OR6C1: variants seen among roughly 807,000 people sequenced by gnomAD.
OR6C1 encodes olfactory receptor 6C1.
For synonymous variants in OR6C1, 157 were observed against 133.3 expected, an observed-to-expected ratio of 1.18 and a Z score of -1.22; for missense variants, 386 against 366.1, an observed-to-expected ratio of 1.05 and a Z score of -0.44.
Position 55,320,590 on chromosome 12 carries a change from C to G in OR6C1, c.-10C>G, listed in dbSNP as rs1308104013. On this transcript the variant is annotated 5_prime_UTR_variant, in exon 2 of 2. Coordinates refer to ENST00000642104, the MANE Select transcript of OR6C1 (RefSeq NM_001005182.2). ...AGGTCTGGCAGGGGAAAAAAGAAAG[C>G]AACTGAAGAATGAGAAACCATACAG... 3.1e-5 allele frequency: 47 copies of G among 1,506,200 alleles called. No homozygotes were observed. Among genetic ancestry groups the G allele is most frequent in the Non-Finnish European group, 4.3e-5 (47 of 1,099,006 alleles). 93.3% of individuals were successfully genotyped at this position (1,506,200 alleles called of 1,614,324 possible). A position where few individuals can be genotyped will look rare whatever the true frequency, so the allele number is the denominator to read the frequency against.
intron 1 of OR6C1, among the ~76,000 whole-genome samples, chr12:55,314,948 G>A (rs1383903804): frequency 6.6e-6 from 1 of 151,334 alleles, no homozygotes; most frequent in Non-Finnish European, 1.5e-5. Context: ...TCAGAATAAG[G>A]ATAAAATCTT....
intron 1 of OR6C1, among the ~76,000 whole-genome samples, chr12:55,316,119 ACACACACACACC>A (rs746178352): frequency 9.8e-5 from 14 of 143,370 alleles, no homozygotes; most frequent in South Asian, 2.1e-4. Flanking sequence ...ACACACACAC[ACACACACACACC>A]CCCCGAGAGA....
chr12:55,317,441 G>A (rs191952718), intron 1 of OR6C1, among the ~76,000 whole-genome samples: 27 of 151,868 alleles, frequency 1.8e-4, no homozygotes, highest in South Asian at 2.1e-4. Flanking sequence ...TAGCCAATAC[G>A]GTGAACTTGA....
intron 1 of OR6C1, among the ~76,000 whole-genome samples, chr12:55,317,833 AC>A (rs775056329): frequency 6.6e-6 from 1 of 150,966 alleles, no homozygotes; most frequent in Non-Finnish European, 1.5e-5. Context: ...TGGGTATTAA[AC>A]CTAGTGTTGT....
intron 1 of OR6C1, among the ~76,000 whole-genome samples, chr12:55,316,597 C>T (rs75425401): frequency 0.012 from 1,856 of 151,884 alleles, 95 homozygotes; most frequent in Admixed American, 0.081. Context: ...TATATGAATA[C>T]GTCCTGAGAT....
At chr12:55,316,779 G>C (rs1868416440) in intron 1 of OR6C1, among the ~76,000 whole-genome samples, 1 of 151,870 alleles carries the variant, frequency 6.6e-6, no homozygotes, top group African/African-American at 2.4e-5. Context: ...ACCACACCCA[G>C]TTCTTGTTAT....
At position 55,320,881 on chromosome 12, in the gene OR6C1, T is replaced by C; in HGVS notation, c.282T>C (p.Asn94=). 6.2e-7 allele frequency: 1 copy of C among 1,614,024 alleles called. No homozygotes were observed. The highest frequency in any genetic ancestry group is 8.5e-7 in the Non-Finnish European group (1 of 1,179,882). ...GAGATAAAACCATTTCCTTTAATAATTGCATAGTTCAGTTATTTTTCTTCA... is the reference window on the plus strand; with the variant it reads ...GAGATAAAACCATTTCCTTTAATAACTGCATAGTTCAGTTATTTTTCTTCA... ...ISGDKTISFN[N]CIVQLFFFIL... is the part of the protein sequence containing the mutation. The change falls in exon 2 of 2, where the codon AAT becomes AAC. Residue 94 remains asparagine (N), a synonymous_variant. Coordinates refer to ENST00000642104, the MANE Select transcript of OR6C1 (RefSeq NM_001005182.2).
In OR6C1 at chr12:55,320,897, T is replaced by C; in HGVS notation, c.298T>C (p.Phe100Leu). ...CTTTAATAATTGCATAGTTCAGTTA[T>C]TTTTCTTCATTCTCTTGGGAGTCAC... ...ISFNNCIVQL[F>L]FFILLGVTEF... Residue 100 changes from phenylalanine to leucine, a missense_variant, in exon 2 of 2, where the codon TTT (phenylalanine) becomes CTT (leucine). Transcript: ENST00000642104. 1.9e-6 allele frequency: 3 copies of C among 1,614,106 alleles called. No individual in the cohort carries two copies. Among genetic ancestry groups the C allele is most frequent in the Non-Finnish European group, 2.5e-6 (3 of 1,179,988 alleles).
intron 1 of OR6C1, among the ~76,000 whole-genome samples, chr12:55,320,256 A>G (rs1868505275): frequency 6.6e-6 from 1 of 152,182 alleles, no homozygotes; most frequent in Non-Finnish European, 1.5e-5. Flanking sequence ...GGTGGTTCTG[A>G]TTAGGGAGGA....
chr12:55,314,499 G>A lies in OR6C1; in HGVS notation c.-134G>A, dbSNP rs1370547696. On this transcript the variant is annotated 5_prime_UTR_variant, in exon 1 of 2. It removes an upstream start codon present in the reference 5' UTR. Transcript: ENST00000642104. Reference sequence around the variant, plus strand: ...AAATTTCTTCAATGAGAAAGTGAATGTTTTCAGAAATCCTGGTTTTACTGG... The same window carrying A: ...AAATTTCTTCAATGAGAAAGTGAATATTTTCAGAAATCCTGGTTTTACTGG... 6.6e-6 allele frequency: 1 copy of A among 151,542 alleles called. No homozygotes were observed. The highest frequency in any genetic ancestry group is 1.5e-5 in the Non-Finnish European group (1 of 67,694). 9.4% of individuals were successfully genotyped at this position (151,542 alleles called of 1,614,324 possible). A position where few individuals can be genotyped will look rare whatever the true frequency, so the allele number is the denominator to read the frequency against.
At chr12:55,319,831 G>A (rs1320583383) in intron 1 of OR6C1, among the ~76,000 whole-genome samples, 1 of 152,098 alleles carries the variant, frequency 6.6e-6, no homozygotes, top group Non-Finnish European at 1.5e-5. Flanking sequence ...CAATGGCTAA[G>A]GACAAAGCAC....
At position 55,321,215 on chromosome 12, in the gene OR6C1, A is replaced by C; in HGVS notation, c.616A>C (p.Met206Leu). 6.2e-7 allele frequency: 1 copy of C among 1,613,948 alleles called. No homozygotes were observed. Among genetic ancestry groups the C allele is most frequent in the Non-Finnish European group, 8.5e-7 (1 of 1,179,878 alleles). Residue 206 changes from methionine (M) to leucine (L), a missense_variant, in exon 2 of 2, where the codon ATG becomes CTG. By Grantham distance (15) the Met-to-Leu change is conservative. Coordinates refer to ENST00000642104, the MANE Select transcript of OR6C1 (RefSeq NM_001005182.2). ...MGFSCAAFTL[M>L]FTLALIFLSY... ...ATTTTCTTGTGCTGCGTTTACTCTA[A>C]TGTTCACTTTGGCATTAATATTTCT...
rs1195793007 is a variant in OR6C1 at position 55,321,130 on chromosome 12, T to G, written c.531T>G (p.Cys177Trp). 6.2e-7 allele frequency: 1 copy of G among 1,613,982 alleles called. No homozygotes were observed. The highest frequency in any genetic ancestry group is 1.1e-5 in the South Asian group (1 of 91,066). Residue 177 changes from cysteine (C) to tryptophan (W), a missense_variant, in exon 2 of 2, where the codon TGT becomes TGG. Cys to Trp is a radical substitution (Grantham distance 215). Transcript: ENST00000642104. ...CRSNIIDHFT[C>W]DYFPLLQLAC... ...CTAATATTATTGACCATTTTACCTG[T>G]GATTATTTTCCACTGCTGCAACTTG...
chr12:55,318,582 AT>A (rs1452267998), intron 1 of OR6C1, among the ~76,000 whole-genome samples: 1 of 149,378 alleles, frequency 6.7e-6, no homozygotes, highest in Non-Finnish European at 1.5e-5. Flanking sequence ...AATGCTAAGC[AT>A]TTTTCTAAAT....
At position 55,321,503 on chromosome 12, in the gene OR6C1, A is replaced by G. The variant is rs753415976; in HGVS notation, c.904A>G (p.Met302Val). The change falls in exon 2 of 2, where the codon ATG becomes GTG. Residue 302 changes from methionine to valine, a missense_variant. Physicochemically the swap from Met to Val is conservative, Grantham distance 21. Coordinates refer to ENST00000642104, the MANE Select transcript of OR6C1 (RefSeq NM_001005182.2). ...GCAAGTCAAGCAAGCTTTCATTAAC[A>G]TGGCAAGGAAGACTGTATTTTTCAC... Reference protein sequence around the residue: ...NQQVKQAFINMARKTVFFTST With the variant: ...NQQVKQAFINVARKTVFFTST 1.9e-6 allele frequency: 3 copies of G among 1,613,234 alleles called. No homozygotes were observed. The highest frequency in any genetic ancestry group is 2.2e-5 in the East Asian group (1 of 44,856).
chr12:55,316,808 A>G (rs1868417005), intron 1 of OR6C1, among the ~76,000 whole-genome samples: 4 of 151,962 alleles, frequency 2.6e-5, no homozygotes, highest in South Asian at 2.1e-4. Context: ...ATGCTACTAG[A>G]GTTCCTTTAA....
At position 55,321,067 on chromosome 12, in the gene OR6C1, A is replaced by G. The variant is rs1014570318; in HGVS notation, c.468A>G (p.Pro156=). 2.5e-6 allele frequency: 4 copies of G among 1,613,490 alleles called. No individual in the cohort carries two copies. The highest frequency in any genetic ancestry group is 3.4e-6 in the Non-Finnish European group (4 of 1,179,656). The change falls in exon 2 of 2, where the codon CCA becomes CCG. Residue 156 remains proline (P), a synonymous_variant. Coordinates refer to ENST00000642104, the MANE Select transcript of OR6C1 (RefSeq NM_001005182.2). Reference sequence around the variant, plus strand: ...TGGTTTCATTCTTAATCATATTCCCAGCACTCATGTTGCTTTTAAAGCTTC... The same window carrying G: ...TGGTTTCATTCTTAATCATATTCCCGGCACTCATGTTGCTTTTAAAGCTTC... ...SWLVSFLIIF[P]ALMLLLKLHY...
In OR6C1 at chr12:55,320,877, A is replaced by T; in HGVS notation, c.278A>T (p.Asn93Ile). The change falls in exon 2 of 2, where the codon AAT (asparagine) becomes ATT (isoleucine). Residue 93 changes from asparagine (N) to isoleucine (I), a missense_variant. By Grantham distance (149) the Asn-to-Ile change is moderately radical. Transcript: ENST00000642104. ...IISGDKTISFNNCIVQLFFFI... is the reference protein window; with the variant it reads ...IISGDKTISFINCIVQLFFFI... ...TCAGGAGATAAAACCATTTCCTTTAATAATTGCATAGTTCAGTTATTTTTC... is the reference window on the plus strand; with the variant it reads ...TCAGGAGATAAAACCATTTCCTTTATTAATTGCATAGTTCAGTTATTTTTC... 5.0e-6 allele frequency: 8 copies of T among 1,614,028 alleles called. No homozygotes were observed. The highest frequency in any genetic ancestry group is 6.8e-6 in the Non-Finnish European group (8 of 1,179,950).
chr12:55,320,893 G>A lies in OR6C1; in HGVS notation c.294G>A (p.Gln98=), dbSNP rs1161148215. 6.2e-7 allele frequency: 1 copy of A among 1,613,830 alleles called. No homozygotes were observed. The highest frequency in any genetic ancestry group is 1.3e-5 in the African/African-American group (1 of 74,910). ...TTTCCTTTAATAATTGCATAGTTCA[G>A]TTATTTTTCTTCATTCTCTTGGGAG... ...KTISFNNCIV[Q]LFFFILLGVT... The change falls in exon 2 of 2, where the codon CAG becomes CAA. Residue 98 remains glutamine, a synonymous_variant. Coordinates refer to ENST00000642104, the MANE Select transcript of OR6C1 (RefSeq NM_001005182.2).
Sources: allele counts gnomAD v4.1 joint callset (sites outside exome capture counted in the v4.1 genomes callset), GRCh38; gene constraint gnomAD v4.1.1; transcripts MANE v1.5; gene names NCBI Gene and HGNC (gene_info 2026-07-23, HGNC 2026-07-21).